Variants in COG6 observed in about 807,000 individuals in gnomAD.
COG6 encodes the protein conserved oligomeric Golgi complex subunit 6.
COG6 carries 74 observed loss-of-function variants against 88.8 expected under a neutral mutation model. The observed-to-expected ratio is 0.83, with a 90% CI of 0.69 to 1.01. The LOEUF (loss-of-function observed/expected upper bound fraction) is 1.01, where lower values mean the gene tolerates loss of function less well. COG6 is among the 50% of genes least tolerant of loss of function. COG6 has a pLI of 0.00. For synonymous variants in COG6, 286 were observed against 278.7 expected (o/e 1.03, Z -0.26); for missense variants, 800 against 797.9 (o/e 1.00, Z -0.03).
chr13:39,750,387 A>G (rs1252697601), intron 18 of COG6, among the ~76,000 whole-genome samples: 1 of 152,200 alleles, frequency 6.6e-6, no homozygotes, highest in Admixed American at 6.6e-5. Context: ...GTAGAAATGT[A>G]TATTTGTGAG....
chr13:39,656,914 G>A (rs748503362), intron 1 of COG6: 1 of 454,696 alleles, frequency 2.2e-6, no homozygotes. Context: ...CAAAGAGCCT[G>A]GCACTTACTC....
At chr13:39,691,607 A>G (rs565877043) in intron 11 of COG6, among the ~76,000 whole-genome samples, 5 of 152,056 alleles carry the variant, frequency 3.3e-5, no homozygotes, top group African/African-American at 1.2e-4. Flanking sequence ...CTTGATAGTG[A>G]TATGTAATCC....
At chr13:39,777,564 A>T (rs1881502106) in intron 18 of COG6, among the ~76,000 whole-genome samples, 1 of 152,178 alleles carries the variant, frequency 6.6e-6, no homozygotes, top group South Asian at 2.1e-4. Flanking sequence ...TTTGGATTTT[A>T]AGAACAGAAA....
At chr13:39,661,986 T>G (rs1874924472) in intron 3 of COG6, among the ~76,000 whole-genome samples, 1 of 151,888 alleles carries the variant, frequency 6.6e-6, no homozygotes, top group Admixed American at 6.6e-5. Context: ...TATCTCTTAT[T>G]TTTTAATTTG....
intron 13 of COG6, among the ~76,000 whole-genome samples, chr13:39,717,318 G>A (rs1405363526): frequency 2.6e-5 from 4 of 151,064 alleles, no homozygotes; most frequent in Admixed American, 1.3e-4. Flanking sequence ...TCTTTCTTGG[G>A]GGTCAGTTAG....
chr13:39,659,465 C>T lies in COG6; in HGVS notation c.255C>T (p.Ala85=). The stretch of plus-strand genomic sequence containing the variant: ...GAGATATTGAACGTAAAAGTTTAGC[C>T]ATCAATGAAGAATTTGTAAGCATTT... The part of the protein sequence containing the change: ...LRGDIERKSL[A]INEEFVSIFK... Residue 85 remains alanine, a synonymous_variant, in exon 2 of 19, where the codon GCC becomes GCT. Coordinates refer to ENST00000455146, the MANE Select transcript of COG6 (RefSeq NM_020751.3). The T allele has an allele frequency of 6.2e-7, 1 of 1,613,466 alleles. No individual in the cohort carries two copies. The highest frequency in any genetic ancestry group is 8.5e-7 in the Non-Finnish European group (1 of 1,179,658).
chr13:39,710,532 A>C (rs1878179225), intron 13 of COG6, among the ~76,000 whole-genome samples: 1 of 152,148 alleles, frequency 6.6e-6, no homozygotes, highest in Admixed American at 6.6e-5. Context: ...ACCTGGCAAA[A>C]GTGGCCTACT....
intron 15 of COG6, among the ~76,000 whole-genome samples, chr13:39,722,858 C>G (rs1425611417): frequency 6.6e-6 from 1 of 152,012 alleles, no homozygotes; most frequent in Non-Finnish European, 1.5e-5. Flanking sequence ...TTGTCACAGA[C>G]CTGCCTTATC....
At chr13:39,688,841 A>G (rs923629147) in intron 10 of COG6, among the ~76,000 whole-genome samples, 1 of 152,172 alleles carries the variant, frequency 6.6e-6, no homozygotes, top group Non-Finnish European at 1.5e-5. Context: ...GTATGATTTT[A>G]AAGTGTTCTA....
chr13:39,717,815 C>A (rs1027485790), intron 13 of COG6, among the ~76,000 whole-genome samples: 1 of 152,068 alleles, frequency 6.6e-6, no homozygotes, highest in Admixed American at 6.6e-5. Context: ...TGTGATTGCA[C>A]CACTGCACTT....
chr13:39,744,147 A>G (rs967299030), intron 18 of COG6, among the ~76,000 whole-genome samples: 2 of 152,194 alleles, frequency 1.3e-5, no homozygotes, highest in African/African-American at 2.4e-5. Context: ...AGCCAATATC[A>G]TACTGAACAG....
intron 12 of COG6, among the ~76,000 whole-genome samples, chr13:39,696,550 A>C (rs1232047049): frequency 4.6e-5 from 7 of 151,744 alleles, no homozygotes; most frequent in Non-Finnish European, 8.8e-5. Context: ...TCTGGTGCTG[A>C]AGCTAGGAAA....
intron 4 of COG6, among the ~76,000 whole-genome samples, chr13:39,673,881 T>C (rs921558464): frequency 6.6e-6 from 1 of 152,010 alleles, no homozygotes; most frequent in African/African-American, 2.4e-5. Flanking sequence ...ATCAAGAGGA[T>C]CATTTTTGGA....
At chr13:39,685,992 T>C (rs930832490) in intron 8 of COG6, among the ~76,000 whole-genome samples, 1 of 152,238 alleles carries the variant, frequency 6.6e-6, no homozygotes, top group Non-Finnish European at 1.5e-5. Flanking sequence ...CCTAAATATT[T>C]ATAGCTATTT....
At chr13:39,745,944 A>G (rs1490465222) in intron 18 of COG6, among the ~76,000 whole-genome samples, 1 of 152,114 alleles carries the variant, frequency 6.6e-6, no homozygotes, top group East Asian at 1.9e-4. Context: ...GGACATGGAT[A>G]CTGCTGGAAA....
chr13:39,678,993 A>G (rs1001576485), intron 5 of COG6, among the ~76,000 whole-genome samples: 41 of 152,186 alleles, frequency 2.7e-4, no homozygotes, highest in African/African-American at 9.2e-4. Flanking sequence ...TCGTGGGTGG[A>G]ACACTATTTG....
At chr13:39,702,325 A>G (rs1877626655) in intron 13 of COG6, among the ~76,000 whole-genome samples, 1 of 152,018 alleles carries the variant, frequency 6.6e-6, no homozygotes, top group Non-Finnish European at 1.5e-5. Context: ...TATAACACCG[A>G]CATAAAACCT....
At chr13:39,739,157 A>T (rs1879917806) in intron 18 of COG6, among the ~76,000 whole-genome samples, 2 of 152,144 alleles carry the variant, frequency 1.3e-5, no homozygotes, top group South Asian at 4.1e-4. Context: ...AAGTAGATGA[A>T]CGTAAGAACT....
chr13:39,722,617 CAA>C (rs67889057), intron 15 of COG6, among the ~76,000 whole-genome samples: 102 of 105,794 alleles, frequency 9.6e-4, no homozygotes, highest in Admixed American at 1.8e-3. Context: ...TGTACTGGCA[CAA>C]AAAAAAAAAA....
Sources: gnomAD v4.1 joint callset for allele counts (sites outside exome capture counted in the v4.1 genomes callset) on GRCh38, gnomAD v4.1.1 for gene constraint, MANE v1.5 for transcripts, NCBI Gene and HGNC (gene_info 2026-07-23, HGNC 2026-07-21) for gene names.